Variants in CALCR observed in about 807,000 individuals in gnomAD.
The protein encoded by CALCR is calcitonin receptor.
CALCR carries 47 observed loss-of-function variants against 59.5 expected under a neutral mutation model. That is an observed-to-expected ratio of 0.79 (90% confidence interval 0.63 to 1.01). The LOEUF is 1.01. CALCR is among the 50% of genes least tolerant of loss of function. The probability of loss-of-function intolerance (pLI) is 0.00; values close to 1 mark genes in which losing one functional copy is unlikely to be tolerated. For missense variants in CALCR, 566 were observed against 597.1 expected (o/e 0.95, Z 0.54); for synonymous variants, 213 against 211.3 (o/e 1.01, Z -0.07).
chr7:93,427,780 TCTC>T (rs1290657796), intron 13 of CALCR, among the ~76,000 whole-genome samples: 2 of 152,144 alleles, frequency 1.3e-5, no homozygotes, highest in African/African-American at 4.8e-5. Context: ...AGAGTAATAA[TCTC>T]CTCTGAGAAT....
chr7:93,563,082 A>C (rs1010933364), intron 2 of CALCR, among the ~76,000 whole-genome samples: 7 of 152,186 alleles, frequency 4.6e-5, no homozygotes, highest in Non-Finnish European at 8.8e-5. Context: ...GTACACACAA[A>C]GTTTCCTTTC....
intron 2 of CALCR, among the ~76,000 whole-genome samples, chr7:93,512,963 C>CT (rs1433250256): frequency 6.6e-6 from 1 of 152,160 alleles, no homozygotes; most frequent in Non-Finnish European, 1.5e-5. Context: ...ACAGTAAAGC[C>CT]TGTTATATAA....
chr7:93,571,481 T>C (rs1790003015), intron 2 of CALCR, among the ~76,000 whole-genome samples: 1 of 152,130 alleles, frequency 6.6e-6, no homozygotes, highest in South Asian at 2.1e-4. Context: ...TTAATTCTTA[T>C]TCTACAAAGA....
intron 2 of CALCR, among the ~76,000 whole-genome samples, chr7:93,551,137 T>A (rs574053307): frequency 1.2e-4 from 19 of 152,354 alleles, no homozygotes; most frequent in Admixed American, 9.8e-4. Context: ...ATGCTGAGTG[T>A]ATGTGAAAAC....
chr7:93,569,861 A>G (rs1012994607), intron 2 of CALCR, among the ~76,000 whole-genome samples: 1 of 151,814 alleles, frequency 6.6e-6, no homozygotes, highest in African/African-American at 2.4e-5. Context: ...AAGGGCAGGG[A>G]GTGAGACTAG....
chr7:93,531,235 A>G lies in CALCR; in HGVS notation c.-27+43054T>C, dbSNP rs527961742. Among the ~76,000 whole-genome samples, 215 of 152,278 alleles carry G rather than the reference A, an allele frequency of 1.4e-3. 1 individual carries two copies. Among genetic ancestry groups the G allele is most frequent in the Middle Eastern group, 6.8e-3 (2 of 294 alleles). On this transcript the variant is annotated intron_variant, in intron 2 of 13. Transcript: ENST00000426151. ...GTAATTTAATTACGAATTTCTCAAC[A>G]TAACGCTATATGGATGCTAAATGTG... is the stretch of plus-strand genomic sequence containing the variant.
chr7:93,429,562 G>A (rs1172092469), intron 13 of CALCR, among the ~76,000 whole-genome samples: 1 of 152,116 alleles, frequency 6.6e-6, no homozygotes, highest in African/African-American at 2.4e-5. Context: ...CTATTAATAA[G>A]CTTTGTAATA....
At chr7:93,516,963 G>A (rs1801663300) in intron 2 of CALCR, among the ~76,000 whole-genome samples, 1 of 151,844 alleles carries the variant, frequency 6.6e-6, no homozygotes, top group Non-Finnish European at 1.5e-5. Flanking sequence ...GTAAGTCAAA[G>A]GAAGACAGAC....
chr7:93,522,388 C>G (rs1801783443), intron 2 of CALCR, among the ~76,000 whole-genome samples: 1 of 151,902 alleles, frequency 6.6e-6, no homozygotes, highest in Non-Finnish European at 1.5e-5. Context: ...AAGTATGTCC[C>G]CATCTACTTC....
intron 2 of CALCR, among the ~76,000 whole-genome samples, chr7:93,546,011 G>T (rs1355749903): frequency 6.6e-6 from 1 of 152,032 alleles, no homozygotes; most frequent in East Asian, 1.9e-4. Context: ...AAAAAATACT[G>T]TTGCAAATTA....
chr7:93,448,229 A>G (rs1800042278), intron 8 of CALCR, among the ~76,000 whole-genome samples: 1 of 151,984 alleles, frequency 6.6e-6, no homozygotes. Context: ...TCTCCCTCTC[A>G]TTGGTAAAAC....
At chr7:93,558,704 G>T (rs1312452801) in intron 2 of CALCR, among the ~76,000 whole-genome samples, 1 of 151,980 alleles carries the variant, frequency 6.6e-6, no homozygotes, top group African/African-American at 2.4e-5. Context: ...TGGAAGAAAA[G>T]AAAATATTAG....
intron 2 of CALCR, among the ~76,000 whole-genome samples, chr7:93,489,560 A>G (rs1314479789): frequency 1.3e-5 from 2 of 151,744 alleles, no homozygotes; most frequent in Non-Finnish European, 2.9e-5. Flanking sequence ...CCAAATAGAC[A>G]CAATAAAATA....
At chr7:93,444,698 GT>G (rs1799976767) in intron 8 of CALCR, among the ~76,000 whole-genome samples, 1 of 152,008 alleles carries the variant, frequency 6.6e-6, no homozygotes, top group South Asian at 2.1e-4. Flanking sequence ...GTGACTGAGG[GT>G]ACTTAGCTGT....
rs981684066 is a variant in CALCR at position 93,467,802 on chromosome 7, C to CAAT, written c.521+910_521+912dup. On this transcript the variant is annotated intron_variant, in intron 7 of 13. Transcript: ENST00000426151. ...ATACCACCATGACTATTATTACTACCAATAATAATAATAATAATGATATCA... is the reference window on the plus strand; with the variant it reads ...ATACCACCATGACTATTATTACTACCAATAATAATAATAATAATAATGATATCA... Among the ~76,000 whole-genome samples the CAAT allele has an allele frequency of 6.6e-5, 10 of 150,938 alleles. No individual in the cohort carries two copies. In the East Asian group the frequency reaches 1.8e-3, roughly 26 times the overall value.
chr7:93,451,320 A>C (rs1358934418), intron 8 of CALCR, among the ~76,000 whole-genome samples: 2 of 152,002 alleles, frequency 1.3e-5, no homozygotes, highest in Non-Finnish European at 2.9e-5. Context: ...TTATCAGCCA[A>C]ATTCAATTAC....
intron 2 of CALCR, among the ~76,000 whole-genome samples, chr7:93,564,556 G>A (rs1022270353): frequency 5.9e-5 from 9 of 151,990 alleles, no homozygotes; most frequent in African/African-American, 1.4e-4. Context: ...GGGTTCAAGC[G>A]ATTCTCCTGC....
chr7:93,553,840 C>T (rs1475502966), intron 2 of CALCR, among the ~76,000 whole-genome samples: 3 of 152,068 alleles, frequency 2.0e-5, no homozygotes, highest in Admixed American at 6.6e-5. Context: ...GATCCAAAAG[C>T]AAGCAGGGAT....
At chr7:93,480,817 AG>A (rs1302499504) in intron 3 of CALCR, among the ~76,000 whole-genome samples, 7 of 151,730 alleles carry the variant, frequency 4.6e-5, no homozygotes, top group Admixed American at 1.3e-4. Context: ...CATAGGCACA[AG>A]GGGGGGTCGA....
Sources: gnomAD v4.1 joint callset for allele counts (sites outside exome capture counted in the v4.1 genomes callset) on GRCh38, gnomAD v4.1.1 for gene constraint, MANE v1.5 for transcripts, NCBI Gene and HGNC (gene_info 2026-07-23, HGNC 2026-07-21) for gene names.